The following METTL16 variants were observed in gnomAD, a reference collection of about 807,000 sequenced individuals.
The protein encoded by METTL16 is methyltransferase 16, RNA N6-adenosine.
Under a neutral mutation model 57.9 loss-of-function variants are expected in METTL16, and 19 were observed. That is an observed-to-expected ratio of 0.33 (90% CI 0.23 to 0.48). METTL16 has a LOEUF of 0.48. Ranked by LOEUF, METTL16 falls within the 20% of genes least tolerant of loss-of-function variation. METTL16 has a pLI of 0.99. For synonymous variants in METTL16, 246 were observed against 255.6 expected, an observed-to-expected ratio of 0.96 and a Z score of 0.36; for missense variants, 434 against 691.5, an observed-to-expected ratio of 0.63 and a Z score of 4.18.
intron 5 of METTL16, 110 bp downstream of exon 5, chr17:2,467,651 C>T (rs2067209962): frequency 4.0e-6 from 3 of 741,778 alleles, no homozygotes; most frequent in African/African-American, 3.5e-5. Context: ...TGGTCTCAAA[C>T]TCCTGACTTC....
At chr17:2,463,758 C>T (rs891821981) in intron 6 of METTL16, among the ~76,000 whole-genome samples, 1 of 152,008 alleles carries the variant, frequency 6.6e-6, no homozygotes, top group African/African-American at 2.4e-5. Flanking sequence ...CCACGCCCAG[C>T]CTGCAATCTT....
chr17:2,444,955 T>C (rs539821920), intron 6 of METTL16, among the ~76,000 whole-genome samples: 1 of 152,024 alleles, frequency 6.6e-6, no homozygotes, highest in South Asian at 2.1e-4. Context: ...ACCTCAGGTG[T>C]TCCACCCACT....
At chr17:2,505,591 T>C (rs187099491) in intron 1 of METTL16, among the ~76,000 whole-genome samples, 3 of 151,916 alleles carry the variant, frequency 2.0e-5, no homozygotes, top group Admixed American at 1.3e-4. Context: ...CCTTAGAGAC[T>C]ACATTGCCCA....
At chr17:2,486,671 G>A (rs1332530099) in intron 2 of METTL16, among the ~76,000 whole-genome samples, 1 of 152,002 alleles carries the variant, frequency 6.6e-6, no homozygotes, top group Non-Finnish European at 1.5e-5. Context: ...TGCTATACCT[G>A]CGTTAAGAGG....
chr17:2,435,496 T>C (rs2066902755), intron 8 of METTL16, among the ~76,000 whole-genome samples: 2 of 152,114 alleles, frequency 1.3e-5, no homozygotes, highest in African/African-American at 4.8e-5. Flanking sequence ...AAAAACCTCG[T>C]GAGTACCCTG....
chr17:2,421,077 G>A (rs2066762142), intron 8 of METTL16, among the ~76,000 whole-genome samples, 173 bp from the exon 9 acceptor site: 1 of 152,224 alleles, frequency 6.6e-6, no homozygotes, highest in Admixed American at 6.5e-5. Context: ...AACCCTGCAA[G>A]GTGCAGTCAT....
Position 2,448,776 on chromosome 17 carries a change from AAAAAT to A in METTL16, c.729-7222_729-7218del, listed in dbSNP as rs1271787577. 6.4e-3 allele frequency among the ~76,000 whole-genome samples: 737 copies of A among 114,732 alleles called. 16 individuals are homozygous for A. The highest frequency in any genetic ancestry group is 0.035 in the South Asian group (127 of 3,628). 75.3% of individuals were successfully genotyped at this position (114,732 alleles called of 152,430 possible). A position where few individuals can be genotyped will look rare whatever the true frequency, so the allele number is the denominator to read the frequency against. On this transcript the variant is annotated intron_variant, in intron 6 of 9. Coordinates refer to ENST00000263092, the MANE Select transcript of METTL16 (RefSeq NM_024086.4). Reference sequence around the variant, plus strand: ...ATAAAATAAAAAAAATAAAAAATAAAAAAATAAAAAAATAAAAATAAAATTTAAAA... The same window carrying A: ...ATAAAATAAAAAAAATAAAAAATAAAAAAAAAATAAAAATAAAATTTAAAA...
At chr17:2,423,848 T>C (rs546141023) in intron 8 of METTL16, among the ~76,000 whole-genome samples, 1 of 152,308 alleles carries the variant, frequency 6.6e-6, no homozygotes, top group East Asian at 1.9e-4. Flanking sequence ...TTTCTAGAGA[T>C]TAAAATAAGA....
chr17:2,472,030 C>T (rs1353019909), intron 4 of METTL16, among the ~76,000 whole-genome samples: 2 of 151,586 alleles, frequency 1.3e-5, no homozygotes, highest in African/African-American at 4.9e-5. Context: ...AGGAGAATTG[C>T]TTGAACCCAG....
intron 6 of METTL16, among the ~76,000 whole-genome samples, chr17:2,463,531 G>T (rs779154880): frequency 1.5e-4 from 23 of 151,968 alleles, no homozygotes; most frequent in Non-Finnish European, 3.2e-4. Context: ...GCATGATCTC[G>T]GCTCACTGCA....
At chr17:2,509,273 C>T (rs942214575) in intron 1 of METTL16, among the ~76,000 whole-genome samples, 1 of 152,164 alleles carries the variant, frequency 6.6e-6, no homozygotes, top group Admixed American at 6.5e-5. Context: ...TTAGTAGTCA[C>T]CTGAAAGTTT....
chr17:2,461,449 A>T (rs917562765), intron 6 of METTL16, among the ~76,000 whole-genome samples: 1 of 152,114 alleles, frequency 6.6e-6, no homozygotes, highest in Non-Finnish European at 1.5e-5. Context: ...GCAGCTTTCC[A>T]CCTTTGGGAG....
Position 2,420,254 on chromosome 17 carries a change from C to T in METTL16, c.1405G>A (p.Glu469Lys), listed in dbSNP as rs770212192. The change falls in exon 10 of 10, where the codon GAG becomes AAG. Residue 469 changes from glutamate to lysine, a missense_variant. Around this residue, in one of 5 missense-constraint regions of METTL16, gnomAD observed 168 missense variants for 149.6 expected, o/e 1.12. Coordinates refer to ENST00000263092, the MANE Select transcript of METTL16 (RefSeq NM_024086.4). This position sits in a 1 kb window ranked among gnomAD's most constrained non-coding sequence, Gnocchi z 5.4. Reference sequence around the variant, plus strand: ...AAAACCTCCACCCCTCCCTTTTCCTCACTCCTTTCATCCTCCGTGGGTTCC... The same window carrying T: ...AAAACCTCCACCCCTCCCTTTTCCTTACTCCTTTCATCCTCCGTGGGTTCC... ...NPEPTEDERSEEKGGVEVLES... is the reference protein window; with the variant it reads ...NPEPTEDERSKEKGGVEVLES... 3 of 1,614,142 alleles carry T rather than the reference C, an allele frequency of 1.9e-6. No individual in the cohort carries two copies. The Admixed American group carries it at 5.0e-5, about 27-fold the overall frequency.
At chr17:2,437,197 A>C (rs942244606) in intron 8 of METTL16, among the ~76,000 whole-genome samples, 1 of 152,126 alleles carries the variant, frequency 6.6e-6, no homozygotes, top group African/African-American at 2.4e-5. Flanking sequence ...TCATTTCTTT[A>C]AACTTTTTAT....
chr17:2,461,495 T>C (rs1053892141), intron 6 of METTL16, among the ~76,000 whole-genome samples: 3 of 152,106 alleles, frequency 2.0e-5, no homozygotes, highest in Non-Finnish European at 4.4e-5. Flanking sequence ...TATACAAAGA[T>C]TGAAAAGGTA....
chr17:2,503,645 A>G (rs1392808662), intron 1 of METTL16, among the ~76,000 whole-genome samples: 1 of 152,124 alleles, frequency 6.6e-6, no homozygotes, highest in Non-Finnish European at 1.5e-5. Flanking sequence ...TGGTATATCC[A>G]TACAATAAAT....
At chr17:2,440,850 T>C (rs964407242) in intron 7 of METTL16, among the ~76,000 whole-genome samples, 4 of 151,218 alleles carry the variant, frequency 2.6e-5, no homozygotes, top group Admixed American at 2.0e-4. Context: ...CATCTGCCTA[T>C]AGTCCCAGCT....
chr17:2,460,386 T>G (rs896294774), intron 6 of METTL16: 1 of 152,198 alleles, frequency 6.6e-6, no homozygotes, highest in African/African-American at 2.4e-5. Flanking sequence ...CAGAGCCAAG[T>G]ATAAGCAGAC....
chr17:2,434,098 G>C (rs1238838825), intron 8 of METTL16, among the ~76,000 whole-genome samples: 1 of 152,202 alleles, frequency 6.6e-6, no homozygotes, highest in African/African-American at 2.4e-5. Flanking sequence ...TAACTAAGAA[G>C]AGGGTCCTAA....
Sources: gnomAD v4.1 joint callset for allele counts (sites outside exome capture counted in the v4.1 genomes callset) on GRCh38, gnomAD v4.1.1 for gene constraint, gnomAD v4.1.1 regional missense constraint, Gnocchi (gnomAD v3.1) non-coding constraint, MANE v1.5 for transcripts, NCBI Gene and HGNC (gene_info 2026-07-23, HGNC 2026-07-21) for gene names.